Variants in WNT3 observed in about 807,000 individuals in gnomAD.
WNT3 encodes the protein proto-oncogene Wnt-3.
WNT3 carries 7 observed loss-of-function variants against 34.2 expected under a neutral mutation model. The ratio of observed to expected loss-of-function variants is 0.20; its 90% CI spans 0.12 to 0.38. The LOEUF (loss-of-function observed/expected upper bound fraction) is 0.38. WNT3 is among the 10% of genes least tolerant of loss of function. The probability of loss-of-function intolerance (pLI) is 1.00; values close to 1 mark genes in which losing one functional copy is unlikely to be tolerated. For missense variants in WNT3, 267 were observed against 499.8 expected, an observed-to-expected ratio of 0.53 and a Z score of 4.44; for synonymous variants, 212 against 211.5, an observed-to-expected ratio of 1.00 and a Z score of -0.02.
At position 46,768,919 on chromosome 17, in the gene WNT3, G is replaced by C; in HGVS notation, c.589-120C>G. 1 of 1,440,212 alleles carries C rather than the reference G, an allele frequency of 6.9e-7. No homozygotes were observed. Among genetic ancestry groups the C allele is most frequent in the East Asian group, 2.4e-5 (1 of 42,392 alleles). The allele number at this position is 1,440,212 out of a possible 1,614,324, so 89.2% of individuals were successfully genotyped here. On this transcript the variant is annotated intron_variant, in intron 3 of 4. Coordinates refer to ENST00000225512, the MANE Select transcript of WNT3 (RefSeq NM_030753.5). The surrounding 1 kb of genome is among the most constrained non-coding windows in gnomAD (Gnocchi z 5.0). ...CAGCCTTCTCTACTCCTCTGTGACA[G>C]GAAGAGAACTGATGGGGACTGAGGC... is the stretch of plus-strand genomic sequence containing the variant.
intron 1 of WNT3, among the ~76,000 whole-genome samples, 186 bp from the exon 2 acceptor site, chr17:46,774,095 G>A (rs573037043): frequency 2.3e-4 from 35 of 152,326 alleles, no homozygotes; most frequent in Admixed American, 5.2e-4. Flanking sequence ...TCTGACCCAC[G>A]CAAGTCAGCC....
intron 1 of WNT3, among the ~76,000 whole-genome samples, chr17:46,786,968 C>T (rs1212738537): frequency 6.7e-6 from 1 of 149,376 alleles, no homozygotes; most frequent in East Asian, 1.9e-4. Flanking sequence ...GACAGGGTCT[C>T]ACTCTGTCAC....
chr17:46,776,906 C>T (rs559860777), intron 1 of WNT3, among the ~76,000 whole-genome samples: 2 of 152,246 alleles, frequency 1.3e-5, no homozygotes, highest in East Asian at 3.9e-4. Flanking sequence ...TTCCTGCCTC[C>T]TCCTTCCTCC....
chr17:46,795,687 T>TC (rs1328835172), intron 1 of WNT3, among the ~76,000 whole-genome samples: 1 of 152,200 alleles, frequency 6.6e-6, no homozygotes, highest in Non-Finnish European at 1.5e-5. Flanking sequence ...ACCCTGCTGT[T>TC]CTGCGGCACT....
At chr17:46,807,041 G>C (rs954975462) in intron 1 of WNT3, among the ~76,000 whole-genome samples, 19 of 152,204 alleles carry the variant, frequency 1.2e-4, no homozygotes, top group African/African-American at 4.1e-4. Context: ...GGTGGACATA[G>C]TCATTGGCCA....
rs1204735985 is a variant in WNT3 at position 46,768,719 on chromosome 17, C to T, written c.669G>A (p.Ala223=). The T allele has an allele frequency of 3.1e-6, 5 of 1,614,138 alleles. No homozygotes were observed. The highest frequency in any genetic ancestry group is 2.2e-5 in the South Asian group (2 of 91,090). ...GSCEVKTCWW[A]QPDFRAIGDF... The stretch of plus-strand genomic sequence containing the variant: ...CACCGATGGCACGGAAGTCAGGCTG[C>T]GCCCACCAGCAGGTCTTCACCTCAC... The change falls in exon 4 of 5, where the codon GCG becomes GCA. Residue 223 remains alanine (A), a synonymous_variant. Coordinates refer to ENST00000225512, the MANE Select transcript of WNT3 (RefSeq NM_030753.5). The surrounding 1 kb of genome is among the most constrained non-coding windows in gnomAD (Gnocchi z 5.0).
chr17:46,811,948 C>A (rs1568098139), intron 1 of WNT3, among the ~76,000 whole-genome samples: 1 of 152,140 alleles, frequency 6.6e-6, no homozygotes, highest in Non-Finnish European at 1.5e-5. Flanking sequence ...CAGAGCAAGG[C>A]TCTGTTTCAA....
At position 46,777,209 on chromosome 17, in the gene WNT3, CA is replaced by C. The variant is rs889229712; in HGVS notation, c.81-3301del. 4.5e-4 allele frequency among the ~76,000 whole-genome samples: 66 copies of C among 145,062 alleles called. 1 individual carries two copies. In the East Asian group the frequency reaches 9.1e-3, roughly 20 times the overall value. On this transcript the variant is annotated intron_variant, in intron 1 of 4. Coordinates refer to ENST00000225512, the MANE Select transcript of WNT3 (RefSeq NM_030753.5). ...TGGGCGACAGAGCGAGACTTCGTCT[CA>C]AAAAAAAAAAAGAAAAAGAAAAAGC...
At chr17:46,774,055 G>GAA in intron 1 of WNT3, 146 bp from the exon 2 acceptor site, 1 of 1,218,314 alleles carries the variant, frequency 8.2e-7, no homozygotes, top group Non-Finnish European at 1.1e-6. Flanking sequence ...CTTTGACCTC[G>GAA]GGAGCATGCC....
At chr17:46,791,103 T>C (rs1772633253) in intron 1 of WNT3, among the ~76,000 whole-genome samples, 1 of 152,140 alleles carries the variant, frequency 6.6e-6, no homozygotes, top group Admixed American at 6.5e-5. Flanking sequence ...ATGCTCACAC[T>C]CTTTGGCTTC....
At chr17:46,816,473 A>ACACACGCACG (rs1555689351) in intron 1 of WNT3, among the ~76,000 whole-genome samples, 1 of 77,412 alleles carries the variant, frequency 1.3e-5, no homozygotes, top group African/African-American at 6.9e-5. Flanking sequence ...CCCAGAACAC[A>ACACACGCACG]CGCACACACA....
At chr17:46,788,294 C>T (rs1400122835) in intron 1 of WNT3, among the ~76,000 whole-genome samples, 2 of 152,184 alleles carry the variant, frequency 1.3e-5, no homozygotes, top group Non-Finnish European at 2.9e-5. Context: ...CATTTCTCCC[C>T]TTCCTGACCC....
At chr17:46,780,020 G>C (rs2059447064) in intron 1 of WNT3, among the ~76,000 whole-genome samples, 1 of 152,224 alleles carries the variant, frequency 6.6e-6, no homozygotes, top group Non-Finnish European at 1.5e-5. Flanking sequence ...GCCTCCCAAA[G>C]TGCTGGGATT....
At chr17:46,816,153 A>G (rs1253233906) in intron 1 of WNT3, among the ~76,000 whole-genome samples, 5 of 151,070 alleles carry the variant, frequency 3.3e-5, no homozygotes, top group African/African-American at 7.3e-5. Context: ...ACGCACGCAC[A>G]CACACACTCA....
intron 1 of WNT3, among the ~76,000 whole-genome samples, chr17:46,782,690 C>G (rs972225176): frequency 6.6e-6 from 1 of 152,202 alleles, no homozygotes; most frequent in Non-Finnish European, 1.5e-5. Flanking sequence ...TCTGATGCAC[C>G]CAACTACACC....
In WNT3 at chr17:46,764,557, G is replaced by C. The variant is rs1322764862; in HGVS notation, c.*73C>G. ...ACGCTGAGGGCTGTGCCCGGCTCTAGGTCCTGCTTCCCATGAGACTTCGCT... is the reference window on the plus strand; with the variant it reads ...ACGCTGAGGGCTGTGCCCGGCTCTACGTCCTGCTTCCCATGAGACTTCGCT... On this transcript the variant is annotated 3_prime_UTR_variant, in exon 5 of 5. Coordinates refer to ENST00000225512, the MANE Select transcript of WNT3 (RefSeq NM_030753.5). The C allele has an allele frequency of 6.6e-6, 1 of 152,244 alleles. No homozygotes were observed. The highest frequency in any genetic ancestry group is 1.5e-5 in the Non-Finnish European group (1 of 68,072). 9.4% of individuals were successfully genotyped at this position (152,244 alleles called of 1,614,324 possible).
intron 1 of WNT3, among the ~76,000 whole-genome samples, chr17:46,805,813 G>A (rs2146452097): frequency 6.6e-6 from 1 of 152,254 alleles, no homozygotes; most frequent in Admixed American, 6.5e-5. Flanking sequence ...ACCTGGGCCT[G>A]GATTAAGGAA....
At chr17:46,803,841 C>T (rs1044214401) in intron 1 of WNT3, among the ~76,000 whole-genome samples, 5 of 152,220 alleles carry the variant, frequency 3.3e-5, no homozygotes, top group African/African-American at 4.8e-5. Context: ...AGCAGGCTCA[C>T]GGCTGTCTGG....
rs117698753 is a variant in WNT3 at position 46,817,073 on chromosome 17, G to A, written c.80+1445C>T. Among the ~76,000 whole-genome samples, 808 of 152,298 alleles carry A rather than the reference G, an allele frequency of 5.3e-3. 8 individuals carry two copies. The highest frequency in any genetic ancestry group is 0.014 in the Middle Eastern group (4 of 294). On this transcript the variant is annotated intron_variant, in intron 1 of 4. Transcript: ENST00000225512. ...GACTTCCCCTTGGCTGGCTGTCCTG[G>A]GAGCAACTCCTAGCACCCTCTAAAC...
Sources: gnomAD v4.1 joint callset for allele counts (sites outside exome capture counted in the v4.1 genomes callset) on GRCh38, gnomAD v4.1.1 for gene constraint, Gnocchi (gnomAD v3.1) non-coding constraint, MANE v1.5 for transcripts, NCBI Gene and HGNC (gene_info 2026-07-23, HGNC 2026-07-21) for gene names.